Variants in IP6K1 observed in about 807,000 individuals in gnomAD.
IP6K1 encodes the protein inositol hexakisphosphate kinase 1, also known as ATP:1D-myo-inositol-hexakisphosphate phosphotransferase.
In IP6K1, 13 loss-of-function variants were observed where a neutral mutation model predicts 38.3. That is an observed-to-expected ratio of 0.34 (90% confidence interval 0.22 to 0.54). IP6K1 has a LOEUF of 0.54. Among genes scored for constraint, IP6K1 ranks in the 20% least tolerant of loss-of-function variants. IP6K1 has a pLI of 0.92. For missense variants in IP6K1, 397 were observed against 599.8 expected, an observed-to-expected ratio of 0.66 and a Z score of 3.53; for synonymous variants, 212 against 229.9, an observed-to-expected ratio of 0.92 and a Z score of 0.70.
chr3:49,770,307 G>A (rs145119337), intron 1 of IP6K1, among the ~76,000 whole-genome samples: 127 of 152,262 alleles, frequency 8.3e-4, no homozygotes, highest in African/African-American at 2.9e-3. Context: ...TGCTAGTAAT[G>A]GAACAATCAG....
intron 1 of IP6K1, among the ~76,000 whole-genome samples, chr3:49,757,312 G>T (rs2080832400): frequency 1.3e-5 from 2 of 152,338 alleles, no homozygotes; most frequent in Admixed American, 1.3e-4. Context: ...GTTAAGCACA[G>T]TGGGGACAAG....
At chr3:49,745,853 C>CA (rs1182788414) in intron 2 of IP6K1, among the ~76,000 whole-genome samples, 650 of 56,418 alleles carry the variant, frequency 0.012, 4 homozygotes, top group East Asian at 0.043. Context: ...GACTCTGTCT[C>CA]AAAAAAAAAA....
chr3:49,738,529 C>T (rs1176922853), intron 2 of IP6K1, 107 bp from the exon 3 acceptor site: 3 of 783,444 alleles, frequency 3.8e-6, no homozygotes, highest in Non-Finnish European at 6.7e-6. Context: ...CATCACCTGC[C>T]CTGAACCAAC....
At position 49,754,431 on chromosome 3, in the gene IP6K1, C is replaced by T. The variant is rs117140394; in HGVS notation, c.-128-6263G>A. On this transcript the variant is annotated intron_variant, in intron 1 of 5. Transcript: ENST00000321599. ...ATGTATGGTGGCTCACACCTGTCAT[C>T]CTAACACTTTGGAAGGCCAAGGTGG... Among the ~76,000 whole-genome samples the T allele has an allele frequency of 2.3e-4, 35 of 151,990 alleles. 1 individual carries two copies. In the East Asian group the frequency reaches 6.8e-3, roughly 29 times the overall value.
At chr3:49,781,982 A>G (rs1330604104) in intron 1 of IP6K1, among the ~76,000 whole-genome samples, 1 of 151,786 alleles carries the variant, frequency 6.6e-6, no homozygotes, top group Admixed American at 6.6e-5. Flanking sequence ...AGTTCCAGCT[A>G]CTCTGGAGGC....
chr3:49,773,749 A>G (rs966802110), intron 1 of IP6K1, among the ~76,000 whole-genome samples: 1 of 152,222 alleles, frequency 6.6e-6, no homozygotes, highest in African/African-American at 2.4e-5. Flanking sequence ...CACTGTCTCC[A>G]GGTAAAGTAC....
intron 3 of IP6K1, among the ~76,000 whole-genome samples, chr3:49,736,363 T>C (rs2080611895): frequency 6.6e-6 from 1 of 152,172 alleles, no homozygotes; most frequent in African/African-American, 2.4e-5. Flanking sequence ...CACTCCCTAT[T>C]TCCCACTACT....
chr3:49,753,435 TTTTTC>T (rs1264974850), intron 1 of IP6K1, among the ~76,000 whole-genome samples: 1 of 152,182 alleles, frequency 6.6e-6, no homozygotes, highest in Non-Finnish European at 1.5e-5. Flanking sequence ...TTGGCTCTTC[TTTTTC>T]TTTTCTTCAT....
intron 1 of IP6K1, among the ~76,000 whole-genome samples, chr3:49,756,891 T>C (rs1207020867): frequency 5.4e-5 from 7 of 129,346 alleles, no homozygotes; most frequent in Non-Finnish European, 1.6e-5. Flanking sequence ...TCTCTGCTCA[T>C]GATTATGCTT....
At chr3:49,741,829 T>A (rs1183933899) in intron 2 of IP6K1, among the ~76,000 whole-genome samples, 2 of 152,262 alleles carry the variant, frequency 1.3e-5, no homozygotes, top group Middle Eastern at 3.4e-3. Context: ...CAGATAGGTG[T>A]TCTCTAAATT....
chr3:49,738,814 TAGTTTCCTTCTGCCTGAC>T (rs2080639290), intron 2 of IP6K1, among the ~76,000 whole-genome samples: 1 of 152,178 alleles, frequency 6.6e-6, no homozygotes, highest in African/African-American at 2.4e-5. Flanking sequence ...CCTTTAGATC[TAGTTTCCTTCTGCCTGAC>T]AGTGTCAGCC....
At chr3:49,739,739 G>T (rs1043028057) in intron 2 of IP6K1, among the ~76,000 whole-genome samples, 1 of 151,888 alleles carries the variant, frequency 6.6e-6, no homozygotes, top group Admixed American at 6.6e-5. Flanking sequence ...CTACAACCTC[G>T]AACTCCTGGA....
chr3:49,745,463 C>A (rs1479554107), intron 2 of IP6K1, among the ~76,000 whole-genome samples: 3 of 152,180 alleles, frequency 2.0e-5, no homozygotes, highest in Non-Finnish European at 4.4e-5. Context: ...TGGCTCACAC[C>A]TATAATCCCA....
intron 4 of IP6K1, among the ~76,000 whole-genome samples, chr3:49,729,160 T>G (rs1261845301): frequency 6.6e-6 from 1 of 152,138 alleles, no homozygotes; most frequent in Non-Finnish European, 1.5e-5. Flanking sequence ...TCTCTATACA[T>G]TTACCTTTCC....
chr3:49,744,150 C>T (rs1043941713), intron 2 of IP6K1, among the ~76,000 whole-genome samples: 1 of 150,966 alleles, frequency 6.6e-6, no homozygotes, highest in Non-Finnish European at 1.5e-5. Context: ...CTCCTGTAAT[C>T]CCAGCACTTT....
intron 1 of IP6K1, among the ~76,000 whole-genome samples, chr3:49,772,399 A>G (rs867943613): frequency 9.3e-5 from 14 of 150,592 alleles, no homozygotes; most frequent in Middle Eastern, 3.5e-3. Flanking sequence ...GTCTTCTTAT[A>G]TTCTAGAGCG....
At chr3:49,732,018 T>C (rs1382148457) in intron 4 of IP6K1, among the ~76,000 whole-genome samples, 1 of 151,830 alleles carries the variant, frequency 6.6e-6, no homozygotes, top group Non-Finnish European at 1.5e-5. Context: ...CCCACTGCAG[T>C]CTCGACTTCC....
intron 1 of IP6K1, among the ~76,000 whole-genome samples, chr3:49,769,132 A>C (rs2080935588): frequency 6.6e-6 from 1 of 152,216 alleles, no homozygotes; most frequent in Non-Finnish European, 1.5e-5. Flanking sequence ...TAAATCAAGA[A>C]ATATGCCTCA....
At chr3:49,729,320 G>A (rs1328883614) in intron 4 of IP6K1, among the ~76,000 whole-genome samples, 2 of 152,068 alleles carry the variant, frequency 1.3e-5, no homozygotes, top group African/African-American at 4.8e-5. Context: ...TCCATTGTAT[G>A]TATATATCAC....
Sources: gnomAD v4.1 joint callset for allele counts (sites outside exome capture counted in the v4.1 genomes callset) on GRCh38, gnomAD v4.1.1 for gene constraint, MANE v1.5 for transcripts, NCBI Gene and HGNC (gene_info 2026-07-23, HGNC 2026-07-21) for gene names.